EYA2: variants seen among roughly 807,000 people sequenced by gnomAD.
EYA2 encodes the protein protein phosphatase EYA2.
Under a neutral mutation model 69.2 loss-of-function variants are expected in EYA2, and 31 were observed. The observed-to-expected ratio is 0.45, with a 90% CI of 0.34 to 0.60. The LOEUF is 0.60. Ranked by LOEUF, EYA2 falls within the 20% of genes least tolerant of loss-of-function variation. The pLI is 0.02. For missense variants in EYA2, 622 were observed against 701.2 expected (o/e 0.89, Z 1.28); for synonymous variants, 257 against 279.4 (o/e 0.92, Z 0.80).
At chr20:47,047,533 T>A (rs1288112053) in intron 5 of EYA2, among the ~76,000 whole-genome samples, 2 of 152,178 alleles carry the variant, frequency 1.3e-5, no homozygotes, top group African/African-American at 4.8e-5. Flanking sequence ...ATTACAGGCA[T>A]GTGCCACCAC....
intron 10 of EYA2, among the ~76,000 whole-genome samples, chr20:47,164,776 G>C (rs2034146772): frequency 6.6e-6 from 1 of 152,120 alleles, no homozygotes; most frequent in Non-Finnish European, 1.5e-5. Flanking sequence ...TCTGGAGAGA[G>C]AACAAGAACA....
Position 47,143,915 on chromosome 20 carries a change from A to G in EYA2, c.978+767A>G, listed in dbSNP as rs1321004501. ...TCACTTCCTGGTAGCCAAAGTAAAGAGGGAAATACAATGAGTTACTTCTCT... is the reference window on the plus strand; with the variant it reads ...TCACTTCCTGGTAGCCAAAGTAAAGGGGGAAATACAATGAGTTACTTCTCT... On this transcript the variant is annotated intron_variant, in intron 10 of 15. Transcript: ENST00000327619. Among the ~76,000 whole-genome samples, 5 of 152,230 alleles carry G rather than the reference A, an allele frequency of 3.3e-5. No individual in the cohort carries two copies. The East Asian group carries it at 9.6e-4, about 29-fold the overall frequency.
At position 47,159,752 on chromosome 20, in the gene EYA2, G is replaced by A. The variant is rs538469609; in HGVS notation, c.979-9387G>A. Among the ~76,000 whole-genome samples the A allele has an allele frequency of 6.6e-5, 10 of 152,186 alleles. No homozygotes were observed. The South Asian group carries it at 1.7e-3, about 26-fold the overall frequency. ...TGCCTGGAATCCCAGCACTTTGGGA[G>A]GCCAAGGTGGGCGGATCACTTGTGG... On this transcript the variant is annotated intron_variant, in intron 10 of 15. Coordinates refer to ENST00000327619, the MANE Select transcript of EYA2 (RefSeq NM_005244.5).
At chr20:47,078,846 CT>C (rs1307783013) in intron 7 of EYA2, among the ~76,000 whole-genome samples, 1 of 152,184 alleles carries the variant, frequency 6.6e-6, no homozygotes, top group Non-Finnish European at 1.5e-5. Flanking sequence ...TGGGAAGGCT[CT>C]TCCGTGTAAT....
At position 47,169,173 on chromosome 20, in the gene EYA2, C is replaced by T. The variant is rs577466031; in HGVS notation, c.1013C>T (p.Ser338Leu). The T allele has an allele frequency of 6.2e-7, 1 of 1,614,028 alleles. No individual in the cohort carries two copies. Among genetic ancestry groups the T allele is most frequent in the South Asian group, 1.1e-5 (1 of 91,074 alleles). Residue 338 changes from serine to leucine, a missense_variant, in exon 11 of 16, where the codon TCA (serine) becomes TTA (leucine). By Grantham distance (145) the Ser-to-Leu change is moderately radical. Transcript: ENST00000327619. ...CDQIHVDDVSSDDNGQDLSTY... is the reference protein window; with the variant it reads ...CDQIHVDDVSLDDNGQDLSTY... ...CAGATCCACGTTGATGACGTCTCAT[C>T]AGATGACAATGGCCAAGATTTAAGG... is the stretch of plus-strand genomic sequence containing the variant.
At chr20:47,128,155 C>T (rs116346510) in intron 9 of EYA2, among the ~76,000 whole-genome samples, 2,186 of 152,252 alleles carry the variant, frequency 0.014, 55 homozygotes, top group African/African-American at 0.05. Context: ...GATTTCCAAT[C>T]GCGGCCAAGG....
At chr20:47,164,165 C>G (rs935641643) in intron 10 of EYA2, among the ~76,000 whole-genome samples, 2 of 152,168 alleles carry the variant, frequency 1.3e-5, no homozygotes, top group African/African-American at 4.8e-5. Context: ...TCCCTGGAGG[C>G]TCCCCCATCC....
At chr20:47,023,385 GTTT>G (rs985896793) in intron 5 of EYA2, among the ~76,000 whole-genome samples, 1 of 152,108 alleles carries the variant, frequency 6.6e-6, no homozygotes, top group African/African-American at 2.4e-5. Flanking sequence ...CCTTGATGTA[GTTT>G]TCTTTATGAT....
intron 5 of EYA2, among the ~76,000 whole-genome samples, chr20:47,037,206 A>G (rs1386205091): frequency 4.6e-5 from 7 of 152,156 alleles, no homozygotes; most frequent in African/African-American, 1.7e-4. Flanking sequence ...CCATGGCTCA[A>G]TTACCTCCTC....
chr20:47,086,346 T>C (rs1237137300), intron 7 of EYA2, among the ~76,000 whole-genome samples: 1 of 152,172 alleles, frequency 6.6e-6, no homozygotes, highest in African/African-American at 2.4e-5. Flanking sequence ...ATTAGCCAGG[T>C]ATGGTGGCGT....
intron 5 of EYA2, among the ~76,000 whole-genome samples, chr20:47,040,526 G>A (rs1405843974): frequency 6.6e-6 from 1 of 152,190 alleles, no homozygotes; most frequent in Non-Finnish European, 1.5e-5. Context: ...TCAGCACGGG[G>A]CCAGCCCTCA....
intron 9 of EYA2, among the ~76,000 whole-genome samples, chr20:47,133,177 C>T (rs1358636540): frequency 7.3e-6 from 1 of 136,894 alleles, no homozygotes. Context: ...TGTGCACTGT[C>T]AGGAAGGCTC....
chr20:47,105,624 C>CA (rs3085517), intron 9 of EYA2, among the ~76,000 whole-genome samples: 43,597 of 130,618 alleles, frequency 0.33, 7,464 homozygotes, highest in South Asian at 0.46. Context: ...GACTCTGTCC[C>CA]AAAAAAAAAA....
intron 1 of EYA2, among the ~76,000 whole-genome samples, chr20:46,925,436 A>G (rs76989307): frequency 0.025 from 3,879 of 152,306 alleles, 191 homozygotes; most frequent in African/African-American, 0.089. Flanking sequence ...ATATGACAAA[A>G]AAAGAGGCTG....
At chr20:47,176,080 T>C (rs997375316) in intron 12 of EYA2, among the ~76,000 whole-genome samples, 1 of 110,524 alleles carries the variant, frequency 9.0e-6, no homozygotes, top group Non-Finnish European at 1.5e-5. Context: ...TAAATTCTTT[T>C]TTTTTTTTTT....
intron 10 of EYA2, among the ~76,000 whole-genome samples, chr20:47,149,688 CAAAAAAA>C (rs59780173): frequency 0.4 from 40,664 of 102,768 alleles, 6,388 homozygotes; most frequent in Non-Finnish European, 0.49. Context: ...ACTAAAAATA[CAAAAAAA>C]AAAAAAAAAA....
chr20:47,035,385 C>G (rs1984641434), intron 5 of EYA2, among the ~76,000 whole-genome samples: 1 of 152,128 alleles, frequency 6.6e-6, no homozygotes, highest in Admixed American at 6.5e-5. Context: ...CCCAGCCACC[C>G]CCTCCCATAG....
At chr20:47,022,914 A>G (rs909992699) in intron 5 of EYA2, among the ~76,000 whole-genome samples, 13 of 151,962 alleles carry the variant, frequency 8.6e-5, no homozygotes, top group African/African-American at 2.9e-4. Context: ...TGTTTTTAGT[A>G]TATTCACTAA....
At chr20:47,060,634 C>T (rs994308076) in intron 5 of EYA2, among the ~76,000 whole-genome samples, 4 of 152,218 alleles carry the variant, frequency 2.6e-5, no homozygotes, top group African/African-American at 9.6e-5. Flanking sequence ...AACCGCTGCT[C>T]CCTAAATACA....
Sources: gnomAD v4.1 joint callset for allele counts (sites outside exome capture counted in the v4.1 genomes callset) on GRCh38, gnomAD v4.1.1 for gene constraint, MANE v1.5 for transcripts, NCBI Gene and HGNC (gene_info 2026-07-23, HGNC 2026-07-21) for gene names.